Variants in HSD17B11 observed in about 807,000 individuals in gnomAD.
HSD17B11 encodes hydroxysteroid 17-beta dehydrogenase 11.
HSD17B11 carries 22 observed loss-of-function variants against 27.8 expected under a neutral mutation model. The observed-to-expected ratio is 0.79, with a 90% CI of 0.56 to 1.13. The LOEUF is 1.13. Among genes scored for constraint, HSD17B11 ranks in the 50% most tolerant of loss-of-function variants. HSD17B11 has a pLI of 0.00. For missense variants in HSD17B11, 314 were observed against 351.1 expected, an observed-to-expected ratio of 0.89 and a Z score of 0.84; for synonymous variants, 117 against 132.8, an observed-to-expected ratio of 0.88 and a Z score of 0.82.
At chr4:87,371,781 G>A (rs1735719646) in intron 4 of HSD17B11, among the ~76,000 whole-genome samples, 1 of 152,196 alleles carries the variant, frequency 6.6e-6, no homozygotes, top group African/African-American at 2.4e-5. Context: ...GGCCAGTAAG[G>A]ATCACAGACT....
rs544774942 is a variant in HSD17B11 at position 87,342,337 on chromosome 4, G to A, written c.696-1731C>T. 9.0e-4 allele frequency among the ~76,000 whole-genome samples: 135 copies of A among 150,824 alleles called. 2 individuals are homozygous for A. The South Asian group carries it at 0.027, about 30-fold the overall frequency. Reference sequence around the variant, plus strand: ...GCAGAGATTGTAGTGACCCAAGATCGTGCCACTGCACCCCAGCCTGGGCAA... The same window carrying A: ...GCAGAGATTGTAGTGACCCAAGATCATGCCACTGCACCCCAGCCTGGGCAA... On this transcript the variant is annotated intron_variant, in intron 5 of 6. Coordinates refer to ENST00000358290, the MANE Select transcript of HSD17B11 (RefSeq NM_016245.5).
chr4:87,375,966 G>C (rs941772843), intron 2 of HSD17B11, among the ~76,000 whole-genome samples: 1 of 152,170 alleles, frequency 6.6e-6, no homozygotes, highest in African/African-American at 2.4e-5. Context: ...CCTTGACCAA[G>C]TTACTTAACC....
At chr4:87,377,760 C>G (rs1330514574) in intron 2 of HSD17B11, among the ~76,000 whole-genome samples, 1 of 152,138 alleles carries the variant, frequency 6.6e-6, no homozygotes, top group Non-Finnish European at 1.5e-5. Flanking sequence ...AAACCTAGCT[C>G]TATTAACAGA....
chr4:87,367,120 A>G (rs1276739312), intron 4 of HSD17B11, among the ~76,000 whole-genome samples: 3 of 152,236 alleles, frequency 2.0e-5, no homozygotes, highest in Admixed American at 6.5e-5. Context: ...TTATGGCAAT[A>G]TAGTTGTTTG....
intron 5 of HSD17B11, among the ~76,000 whole-genome samples, chr4:87,346,714 T>C (rs989922482): frequency 4.6e-5 from 7 of 152,072 alleles, no homozygotes; most frequent in South Asian, 4.1e-4. Flanking sequence ...AAATATCATA[T>C]TAATATAACA....
At position 87,357,322 on chromosome 4, in the gene HSD17B11, GAC is replaced by G. The variant is rs1560761142; in HGVS notation, c.650_651del (p.Cys217SerfsTer2). Reference sequence around the variant, plus strand: ...ATGAAGCCAGTGTTTACGAAATTAGGACACAGACATGTTGTTTTGACTCCAGT... The same window carrying G: ...ATGAAGCCAGTGTTTACGAAATTAGGACAGACATGTTGTTTTGACTCCAGT... ...QITGVKTTCL[C>X]PNFVNTGFIK... On this transcript the variant is annotated frameshift_variant, in exon 5 of 7. Coordinates refer to ENST00000358290, the MANE Select transcript of HSD17B11 (RefSeq NM_016245.5). LOFTEE classifies it high-confidence loss of function. 1 of 1,612,402 alleles carries G rather than the reference GAC, an allele frequency of 6.2e-7. No individual in the cohort carries two copies. The highest frequency in any genetic ancestry group is 1.7e-5 in the Admixed American group (1 of 59,650).
At chr4:87,390,090 G>T (rs558736698) in intron 1 of HSD17B11, among the ~76,000 whole-genome samples, 1 of 152,200 alleles carries the variant, frequency 6.6e-6, no homozygotes, top group South Asian at 2.1e-4. Flanking sequence ...TCCCGGAAAA[G>T]ATGCTTTTTA....
At chr4:87,385,480 T>C (rs1440469476) in intron 1 of HSD17B11, among the ~76,000 whole-genome samples, 2 of 151,972 alleles carry the variant, frequency 1.3e-5, no homozygotes, top group Non-Finnish European at 2.9e-5. Flanking sequence ...CTTGGGAAGA[T>C]GAAAAATTTC....
At chr4:87,344,411 G>A (rs1336468351) in intron 5 of HSD17B11, among the ~76,000 whole-genome samples, 1 of 151,994 alleles carries the variant, frequency 6.6e-6, no homozygotes, top group African/African-American at 2.4e-5. Flanking sequence ...ATCATTAGTT[G>A]GAAAGAGATA....
chr4:87,367,286 T>C (rs766568210), intron 4 of HSD17B11, among the ~76,000 whole-genome samples: 2 of 152,144 alleles, frequency 1.3e-5, no homozygotes, highest in African/African-American at 2.4e-5. Context: ...ACTGGCCTCA[T>C]ACTTTGCCTA....
rs778022483 is a variant in HSD17B11 at position 87,391,099 on chromosome 4, G to GGT, written c.-30_-29insAC. ...TTTTGTGGCTGCGAGCGTTTGGTGT[G>GGT]TTTTTTTTTTTTTTTACCACTCTAA... On this transcript the variant is annotated 5_prime_UTR_variant, in exon 1 of 7. Transcript: ENST00000358290. 5 of 1,291,694 alleles carry GGT rather than the reference G, an allele frequency of 3.9e-6. No individual in the cohort carries two copies. In the African/African-American group the frequency reaches 6.2e-5, roughly 16 times the overall value. The allele number at this position is 1,291,694 out of a possible 1,614,324, so 80.0% of individuals were successfully genotyped here.
intron 5 of HSD17B11, among the ~76,000 whole-genome samples, chr4:87,352,724 T>C (rs10433942): frequency 4.9e-4 from 1 of 2,022 alleles, no homozygotes; most frequent in Non-Finnish European, 1.2e-3. Flanking sequence ...CCCAGCCTCG[T>C]TGCCGCCTTG....
chr4:87,346,386 C>T (rs11930147), intron 5 of HSD17B11, among the ~76,000 whole-genome samples: 25,983 of 152,120 alleles, frequency 0.17, 2,390 homozygotes, highest in African/African-American at 0.23. Context: ...CGGTGGCTCA[C>T]GACTGTAATC....
chr4:87,367,465 A>G (rs1245297776), intron 4 of HSD17B11, among the ~76,000 whole-genome samples: 1 of 152,168 alleles, frequency 6.6e-6, no homozygotes, highest in Non-Finnish European at 1.5e-5. Context: ...AAAAAGTCTT[A>G]CCTGAGATTC....
intron 1 of HSD17B11, 75 bp downstream of exon 1, chr4:87,390,786 G>A: frequency 7.7e-7 from 1 of 1,304,796 alleles, no homozygotes; most frequent in Non-Finnish European, 1.1e-6. Flanking sequence ...TGAGGTAAAG[G>A]GTGGTTGCCA....
chr4:87,337,470 A>C, intron 6 of HSD17B11, 104 bp from the exon 7 acceptor site: 1 of 672,350 alleles, frequency 1.5e-6, no homozygotes, highest in Admixed American at 2.8e-5. Flanking sequence ...AGTCATGTTC[A>C]TGTTAAATAA....
In HSD17B11 at chr4:87,374,803, T is replaced by C. The variant is rs149908496; in HGVS notation, c.346A>G (p.Ile116Val). Reference sequence around the variant, plus strand: ...ACTACACCAGCATTATTTACTAAAATACTAACATCTCCAATTTCTGCCTTC... The same window carrying C: ...ACTACACCAGCATTATTTACTAAAACACTAACATCTCCAATTTCTGCCTTC... ...KVKAEIGDVS[I>V]LVNNAGVVYT... The change falls in exon 3 of 7, where the codon ATT becomes GTT. Residue 116 changes from isoleucine (I) to valine (V), a missense_variant. Transcript: ENST00000358290. The C allele has an allele frequency of 8.5e-5, 134 of 1,582,502 alleles. No homozygotes were observed. The African/African-American group carries it at 1.5e-3, about 17-fold the overall frequency.
chr4:87,385,464 T>C (rs1720284995), intron 1 of HSD17B11, among the ~76,000 whole-genome samples: 1 of 152,034 alleles, frequency 6.6e-6, no homozygotes, highest in Admixed American at 6.6e-5. Context: ...GGGTACAGAT[T>C]TTCATCTTGG....
intron 1 of HSD17B11, among the ~76,000 whole-genome samples, chr4:87,383,521 G>A (rs1720226083): frequency 6.6e-6 from 1 of 152,086 alleles, no homozygotes; most frequent in South Asian, 2.1e-4. Context: ...AGTAGATGAG[G>A]AAGGATGGGA....
Sources: gnomAD v4.1 joint callset for allele counts (sites outside exome capture counted in the v4.1 genomes callset) on GRCh38, gnomAD v4.1.1 for gene constraint, MANE v1.5 for transcripts, NCBI Gene and HGNC (gene_info 2026-07-23, HGNC 2026-07-21) for gene names.